The following CDK14 variants were observed in gnomAD, a reference collection of about 807,000 sequenced individuals.
CDK14 encodes cyclin-dependent kinase 14.
In CDK14, 34 loss-of-function variants were observed where a neutral mutation model predicts 60.7. The ratio of observed to expected loss-of-function variants is 0.56; its 90% CI spans 0.43 to 0.75. The LOEUF is 0.75. Ranked by LOEUF, CDK14 falls within the 30% of genes least tolerant of loss-of-function variation. The pLI, the probability that CDK14 is intolerant of heterozygous loss-of-function variation, is 0.00. For synonymous variants in CDK14, 197 were observed against 203.7 expected (o/e 0.97, Z 0.28); for missense variants, 482 against 564.1 (o/e 0.85, Z 1.47).
intron 10 of CDK14, among the ~76,000 whole-genome samples, chr7:91,044,710 C>T (rs539102657): frequency 6.6e-6 from 1 of 152,242 alleles, no homozygotes; most frequent in South Asian, 2.1e-4. Context: ...GGTCCTTCTT[C>T]TCCTCTGCTG....
intron 14 of CDK14, among the ~76,000 whole-genome samples, chr7:91,127,389 A>G (rs896787874): frequency 6.6e-6 from 1 of 152,192 alleles, no homozygotes; most frequent in South Asian, 2.1e-4. Flanking sequence ...AGAAGCGGAT[A>G]GAGATGGGCA....
At chr7:91,184,141 G>A (rs543847989) in intron 14 of CDK14, among the ~76,000 whole-genome samples, 3 of 145,412 alleles carry the variant, frequency 2.1e-5, no homozygotes, top group African/African-American at 7.6e-5. Context: ...GGTGGCAGAG[G>A]TTGCAGTGAG....
At chr7:90,976,132 A>G (rs575572978) in intron 9 of CDK14, among the ~76,000 whole-genome samples, 1 of 152,218 alleles carries the variant, frequency 6.6e-6, no homozygotes, top group East Asian at 1.9e-4. Context: ...TCCATAGAAC[A>G]TTCCCACTAA....
At chr7:90,804,707 GT>G (rs1788758696) in intron 5 of CDK14, among the ~76,000 whole-genome samples, 1 of 152,004 alleles carries the variant, frequency 6.6e-6, no homozygotes. Context: ...AAAGGATAAA[GT>G]TTGTTTTTTA....
chr7:90,905,716 A>G (rs1418819727), intron 7 of CDK14, among the ~76,000 whole-genome samples: 2 of 152,148 alleles, frequency 1.3e-5, no homozygotes, highest in African/African-American at 2.4e-5. Flanking sequence ...CCTGAGCTAC[A>G]TGATTAATAC....
intron 5 of CDK14, among the ~76,000 whole-genome samples, chr7:90,845,884 A>G (rs1028453581): frequency 7.9e-5 from 12 of 152,116 alleles, no homozygotes; most frequent in Non-Finnish European, 1.8e-4. Flanking sequence ...CTCCTAGAAT[A>G]GTGCATTCAG....
rs942444813 is a variant in CDK14 at position 91,079,467 on chromosome 7, C to G, written c.1141C>G (p.Gln381Glu). The change falls in exon 12 of 15, where the codon CAA becomes GAA. Residue 381 changes from glutamine (Q) to glutamate (E), a missense_variant. Gln to Glu is a conservative substitution (Grantham distance 29). Transcript: ENST00000380050. ...FTLYSSKNLR[Q>E]AWNKLSYVNH... ...CCTGTACAGCTCTAAAAACCTTAGA[C>G]AAGCATGGAATAAGTAAGTCTTTAT... The G allele has an allele frequency of 1.7e-5, 28 of 1,601,350 alleles. No individual in the cohort carries two copies. In the Middle Eastern group the frequency reaches 6.6e-4, roughly 38 times the overall value.
intron 12 of CDK14, among the ~76,000 whole-genome samples, chr7:91,079,919 C>G (rs1422150956): frequency 6.6e-6 from 1 of 152,144 alleles, no homozygotes; most frequent in South Asian, 2.1e-4. Flanking sequence ...AAGCTAAATG[C>G]ATTTATGACT....
intron 14 of CDK14, among the ~76,000 whole-genome samples, chr7:91,155,616 C>G (rs1800959149): frequency 6.6e-6 from 1 of 152,142 alleles, no homozygotes; most frequent in African/African-American, 2.4e-5. Context: ...ACACAGTTGC[C>G]TAAGCATTTG....
chr7:90,656,631 G>A lies in CDK14; in HGVS notation c.123+52382G>A, dbSNP rs989407958. On this transcript the variant is annotated intron_variant, in intron 2 of 14. Transcript: ENST00000380050. Reference sequence around the variant, plus strand: ...CTGACCTTGTGATCTGCCTGCCTCGGCCTCCCAAAGTGCTAGGATTACAGG... The same window carrying A: ...CTGACCTTGTGATCTGCCTGCCTCGACCTCCCAAAGTGCTAGGATTACAGG... 2.6e-5 allele frequency among the ~76,000 whole-genome samples: 4 copies of A among 152,084 alleles called. No homozygotes were observed. The East Asian group carries it at 7.7e-4, about 29-fold the overall frequency.
intron 2 of CDK14, among the ~76,000 whole-genome samples, chr7:90,693,055 T>C (rs1401279197): frequency 1.3e-5 from 2 of 152,268 alleles, no homozygotes; most frequent in South Asian, 2.1e-4. Context: ...AGAATCCGTC[T>C]TTTAGCCTGT....
chr7:90,958,827 C>T (rs1331076775), intron 9 of CDK14, among the ~76,000 whole-genome samples: 1 of 152,072 alleles, frequency 6.6e-6, no homozygotes, highest in East Asian at 1.9e-4. Flanking sequence ...TGGTTGGAAA[C>T]ATCTGTGGCT....
intron 8 of CDK14, among the ~76,000 whole-genome samples, chr7:90,928,711 C>G (rs1335106144): frequency 4.6e-5 from 7 of 152,204 alleles, no homozygotes; most frequent in Non-Finnish European, 1.0e-4. Flanking sequence ...TCTCAGATCT[C>G]CAGCTGCATG....
intron 14 of CDK14, among the ~76,000 whole-genome samples, chr7:91,183,375 C>T (rs1016605161): frequency 2.0e-5 from 3 of 152,162 alleles, no homozygotes; most frequent in Admixed American, 6.5e-5. Flanking sequence ...CTCCTCTCAC[C>T]TTTTCTACCC....
intron 4 of CDK14, among the ~76,000 whole-genome samples, chr7:90,768,159 C>T (rs1190108574): frequency 2.0e-5 from 3 of 152,166 alleles, no homozygotes; most frequent in Non-Finnish European, 4.4e-5. Context: ...ATTAGTAAGA[C>T]CTGGAGAGAA....
intron 2 of CDK14, among the ~76,000 whole-genome samples, chr7:90,637,376 C>T (rs1800179208): frequency 6.6e-6 from 1 of 151,992 alleles, no homozygotes; most frequent in Non-Finnish European, 1.5e-5. Context: ...TTATTTCTGC[C>T]TTCATTTCGT....
intron 11 of CDK14, among the ~76,000 whole-genome samples, chr7:91,076,793 A>G (rs1798331561): frequency 1.3e-5 from 2 of 152,232 alleles, no homozygotes; most frequent in Non-Finnish European, 2.9e-5. Flanking sequence ...AGGAACTTAA[A>G]CAGATTTACA....
chr7:91,039,687 T>A (rs147850820), intron 10 of CDK14, among the ~76,000 whole-genome samples: 1 of 152,356 alleles, frequency 6.6e-6, no homozygotes, highest in East Asian at 1.9e-4. Context: ...CATTTCCATC[T>A]GTCCTTGGCC....
chr7:91,160,322 G>A (rs1359277112), intron 14 of CDK14, among the ~76,000 whole-genome samples: 3 of 152,064 alleles, frequency 2.0e-5, no homozygotes, highest in Non-Finnish European at 4.4e-5. Flanking sequence ...TTCCAGCCCA[G>A]GCCCCTGAGA....
Sources: allele counts gnomAD v4.1 joint callset (sites outside exome capture counted in the v4.1 genomes callset), GRCh38; gene constraint gnomAD v4.1.1; transcripts MANE v1.5; gene names NCBI Gene and HGNC (gene_info 2026-07-23, HGNC 2026-07-21).